The following UNC13A variants were observed in gnomAD, a reference collection of about 807,000 sequenced individuals.
The protein encoded by UNC13A is unc-13 homolog A.
A neutral mutation model predicts 219.7 loss-of-function variants in UNC13A; 61 were observed. The observed-to-expected ratio is 0.28, with a 90% CI of 0.23 to 0.34. The LOEUF is 0.34. UNC13A is among the 10% of genes least tolerant of loss of function. UNC13A has a pLI of 1.00. For synonymous variants in UNC13A, 920 were observed against 884.6 expected, an observed-to-expected ratio of 1.04 and a Z score of -0.71; for missense variants, 1,476 against 2,270.3, an observed-to-expected ratio of 0.65 and a Z score of 7.11.
Position 17,630,739 on chromosome 19 carries a change from G to C in UNC13A, c.3440C>G (p.Pro1147Arg). 1 of 1,613,634 alleles carries C rather than the reference G, an allele frequency of 6.2e-7. No individual in the cohort carries two copies. The highest frequency in any genetic ancestry group is 8.5e-7 in the Non-Finnish European group (1 of 1,179,802). The change falls in exon 29 of 44, where the codon CCC (proline) becomes CGC (arginine). Residue 1147 changes from proline to arginine, a missense_variant. This residue lies in a region of UNC13A where 218 missense variants were observed against 409.4 expected (regional missense o/e 0.53). Coordinates refer to ENST00000519716, the MANE Select transcript of UNC13A (RefSeq NM_001080421.3). ...RVPEYPAWFE[P>R]FVIQWLDENE... ...CTCATCCAGCCACTGGATGACGAAG[G>C]GTTCAAACCATCTGGAATGAAGAGC...
At chr19:17,608,414 A>T (rs955269821) in intron 43 of UNC13A, among the ~76,000 whole-genome samples, 5 of 128,674 alleles carry the variant, frequency 3.9e-5, no homozygotes, top group East Asian at 2.0e-4. Flanking sequence ...AATATATAAA[A>T]ATATATTTAT....
At chr19:17,639,557 G>A (rs1389244708) in intron 23 of UNC13A, 32 bp from the exon 24 acceptor site, 5 of 1,602,546 alleles carry the variant, frequency 3.1e-6, no homozygotes, top group Non-Finnish European at 3.4e-6. Context: ...GTGGGGTTAT[G>A]GAAGAAGGCG....
At chr19:17,685,829 G>C (rs11882674) in intron 1 of UNC13A, among the ~76,000 whole-genome samples, 1 of 152,066 alleles carries the variant, frequency 6.6e-6, no homozygotes, top group African/African-American at 2.4e-5. Context: ...GTGGAGGGGA[G>C]GGGGGACAGG....
In UNC13A at chr19:17,623,541, C is replaced by G. The variant is rs773262482; in HGVS notation, c.4203+1G>C. On this transcript the variant is annotated splice_donor_variant, in intron 36 of 43. Coordinates refer to ENST00000519716, the MANE Select transcript of UNC13A (RefSeq NM_001080421.3). LOFTEE classifies it high-confidence loss of function. ...AGACGGACAGACGGGACTCTACTTA[C>G]GATCATCTGTCATCCGTGATGGGGG... 2.1e-6 allele frequency: 3 copies of G among 1,461,544 alleles called. No homozygotes were observed. 90.5% of individuals were successfully genotyped at this position (1,461,544 alleles called of 1,614,324 possible).
chr19:17,663,980 G>GT (rs11391054), intron 7 of UNC13A, among the ~76,000 whole-genome samples: 38,731 of 150,604 alleles, frequency 0.26, 5,935 homozygotes, highest in African/African-American at 0.43. Context: ...GTTCTTGGTG[G>GT]TTTTCTTTTT....
In UNC13A at chr19:17,669,674, C is replaced by T; in HGVS notation, c.273G>A (p.Glu91=). 1 of 1,608,008 alleles carries T rather than the reference C, an allele frequency of 6.2e-7. No homozygotes were observed. Among genetic ancestry groups the T allele is most frequent in the Non-Finnish European group, 8.5e-7 (1 of 1,177,396 alleles). ...CCAGCGTCAGCCACTCTCCAGGGCC[C>T]TCCTGGGGGTTGGGGGAGGAGGTGT... ...PLRTIRQSNE[E]GPGEWLTLDS... Residue 91 remains glutamate, a splice_region_variant and synonymous_variant, in exon 5 of 44, where the codon GAG becomes GAA. Transcript: ENST00000519716.
rs1016634143 is a variant in UNC13A, at chr19:17,603,817, G to C, written c.*2237C>G. On this transcript the variant is annotated 3_prime_UTR_variant, in exon 44 of 44. Coordinates refer to ENST00000519716, the MANE Select transcript of UNC13A (RefSeq NM_001080421.3). The stretch of plus-strand genomic sequence containing the variant: ...GCAGGATTTTTTTTTTTTTTTGGTG[G>C]GGTAGAGGGGAGGGAATGGAGTATT... 6.6e-6 allele frequency: 1 copy of C among 151,462 alleles called. No homozygotes were observed. The highest frequency in any genetic ancestry group is 1.5e-5 in the Non-Finnish European group (1 of 67,924). The allele number at this position is 151,462 out of a possible 1,614,324, so 9.4% of individuals were successfully genotyped here.
chr19:17,611,727 G>C (rs769960289), intron 42 of UNC13A, 36 bp downstream of exon 42: 1 of 1,587,580 alleles, frequency 6.3e-7, no homozygotes, highest in Non-Finnish European at 8.6e-7. Flanking sequence ...TTCTGTTTTA[G>C]AACCTAGCAA....
Position 17,666,666 on chromosome 19 carries a change from G to A in UNC13A, c.507C>T (p.Val169=). ...GGTACTTACAGCACTGGTTGCTGGG[G>A]ACAGGCAGAGGCTTGTCTTGCTCAT... ...FQDEQDKPLP[V]PSNQCCNWNY... The change falls in exon 7 of 44, where the codon GTC becomes GTT. Residue 169 remains valine, a synonymous_variant. Coordinates refer to ENST00000519716, the MANE Select transcript of UNC13A (RefSeq NM_001080421.3). The A allele has an allele frequency of 6.5e-7, 1 of 1,532,334 alleles. No homozygotes were observed. Among genetic ancestry groups the A allele is most frequent in the Admixed American group, 2.0e-5 (1 of 49,978 alleles). 94.9% of individuals were successfully genotyped at this position (1,532,334 alleles called of 1,614,324 possible).
At chr19:17,621,684 T>C in intron 37 of UNC13A, 148 bp downstream of exon 37, 1 of 726,024 alleles carries the variant, frequency 1.4e-6, no homozygotes. Context: ...ATCTCTGACT[T>C]CTGGTTTTGC....
Position 17,645,709 on chromosome 19 carries a change from G to A in UNC13A, c.2321C>T (p.Thr774Met), listed in dbSNP as rs769897194. 19 of 1,614,074 alleles carry A rather than the reference G, an allele frequency of 1.2e-5. No homozygotes were observed. The highest frequency in any genetic ancestry group is 1.6e-5 in the Non-Finnish European group (19 of 1,180,056). Residue 774 changes from threonine (T) to methionine (M), a missense_variant, in exon 19 of 44, where the codon ACG becomes ATG. This residue lies in a region of UNC13A where 66 missense variants were observed against 224.3 expected (regional missense o/e 0.29). Transcript: ENST00000519716. Reference protein sequence around the residue: ...FLGQTIIEVRTLSGEMDVWYN... With the variant: ...FLGQTIIEVRMLSGEMDVWYN... Reference sequence around the variant, plus strand: ...CCACACGTCCATCTCGCCGCTGAGCGTCCGCACCTCAATGATCGTCTGCCC... The same window carrying A: ...CCACACGTCCATCTCGCCGCTGAGCATCCGCACCTCAATGATCGTCTGCCC...
chr19:17,603,871 G>A lies in UNC13A; in HGVS notation c.*2183C>T, dbSNP rs1214595469. On this transcript the variant is annotated 3_prime_UTR_variant, in exon 44 of 44. Coordinates refer to ENST00000519716, the MANE Select transcript of UNC13A (RefSeq NM_001080421.3). ...CTGTTGCCCAGGCTGGAGTGCAGTTGTGTGATCACGACTCACTACAACCTC... is the reference window on the plus strand; with the variant it reads ...CTGTTGCCCAGGCTGGAGTGCAGTTATGTGATCACGACTCACTACAACCTC... 6 of 151,322 alleles carry A rather than the reference G, an allele frequency of 4.0e-5. No homozygotes were observed. The highest frequency in any genetic ancestry group is 4.0e-4 in the Admixed American group (6 of 15,170). 9.4% of individuals were successfully genotyped at this position (151,322 alleles called of 1,614,324 possible). A position where few individuals can be genotyped will look rare whatever the true frequency, so the allele number is the denominator to read the frequency against.
chr19:17,617,073 G>A (rs1027647889), intron 41 of UNC13A, among the ~76,000 whole-genome samples: 6 of 152,032 alleles, frequency 3.9e-5, no homozygotes, highest in African/African-American at 1.2e-4. Flanking sequence ...TCCCGCCCTC[G>A]GAGCTGTCAA....
At chr19:17,629,941 A>AACCTC in intron 30 of UNC13A, among the ~76,000 whole-genome samples, 9 of 151,734 alleles carry the variant, frequency 5.9e-5, no homozygotes, top group African/African-American at 2.2e-4. Context: ...ACCTCCATTC[A>AACCTC]AACCTCAACT....
In UNC13A at chr19:17,605,906, G is replaced by T; in HGVS notation, c.*148C>A. 1.4e-6 allele frequency: 1 copy of T among 730,434 alleles called. No individual in the cohort carries two copies. The highest frequency in any genetic ancestry group is 2.0e-6 in the Non-Finnish European group (1 of 504,616). 45.2% of individuals were successfully genotyped at this position (730,434 alleles called of 1,614,324 possible). On this transcript the variant is annotated 3_prime_UTR_variant, in exon 44 of 44. Transcript: ENST00000519716. ...CATTCCTAATTCCCCAAAAGGGAAA[G>T]CTGAGTCAAGGGCGTAGGCGCAGCC...
intron 2 of UNC13A, among the ~76,000 whole-genome samples, chr19:17,675,582 G>A (rs1448268962): frequency 6.8e-6 from 1 of 146,482 alleles, no homozygotes; most frequent in Non-Finnish European, 1.5e-5. Context: ...AGTGAGCCGA[G>A]ATCACGCCAC....
At chr19:17,639,696 T>C (rs1291337385) in intron 23 of UNC13A, 144 bp downstream of exon 23, 42 of 1,144,044 alleles carry the variant, frequency 3.7e-5, no homozygotes, top group African/African-American at 4.6e-5. Context: ...CGGCAGGTAG[T>C]GCCCATGCAG....
chr19:17,611,918 C>A (rs547451516), intron 41 of UNC13A, 63 bp from the exon 42 acceptor site: 199 of 1,424,522 alleles, frequency 1.4e-4, no homozygotes, highest in African/African-American at 1.8e-4. Context: ...CCAGGAGGGA[C>A]CTTGACGGCC....
At chr19:17,653,084 C>A (rs976331739) in intron 11 of UNC13A, among the ~76,000 whole-genome samples, 2 of 152,078 alleles carry the variant, frequency 1.3e-5, no homozygotes, top group Non-Finnish European at 2.9e-5. Flanking sequence ...GGTCCACAGC[C>A]CCTACCTTCC....
Sources: allele counts gnomAD v4.1 joint callset (sites outside exome capture counted in the v4.1 genomes callset), GRCh38; gene constraint gnomAD v4.1.1; regional missense constraint gnomAD v4.1.1; transcripts MANE v1.5; gene names NCBI Gene and HGNC (gene_info 2026-07-23, HGNC 2026-07-21).